The following DHRSX variants were observed in gnomAD, a reference collection of about 807,000 sequenced individuals.
DHRSX encodes the protein polyprenol dehydrogenase.
DHRSX carries 31 observed loss-of-function variants against 34.0 expected under a neutral mutation model. That is an observed-to-expected ratio of 0.91 (90% CI 0.69 to 1.23). The LOEUF (loss-of-function observed/expected upper bound fraction) is 1.23, where lower values mean the gene tolerates loss of function less well. Among genes scored for constraint, DHRSX ranks in the 50% most tolerant of loss-of-function variants. The pLI, the probability that DHRSX is intolerant of heterozygous loss-of-function variation, is 0.00. For missense variants in DHRSX, 414 were observed against 428.1 expected (o/e 0.97, Z 0.29); for synonymous variants, 201 against 183.8 (o/e 1.09, Z -0.76).
In DHRSX at chrX:2,299,596, T is replaced by G. The variant is rs568190972; in HGVS notation, c.287-7993A>C. On this transcript the variant is annotated intron_variant, in intron 3 of 6. Transcript: ENST00000334651. The stretch of plus-strand genomic sequence containing the variant: ...CTGGCCGGGTGTGGTGGCTCATGCC[T>G]ATAACCCCAGCACTTTGGGAGGCTG... 9.2e-4 allele frequency among the ~76,000 whole-genome samples: 140 copies of G among 152,226 alleles called. 1 individual carries two copies. The highest frequency in any genetic ancestry group is 3.2e-3 in the African/African-American group (134 of 41,552).
intron 6 of DHRSX, among the ~76,000 whole-genome samples, chrX:2,233,451 A>G (rs2015943734): frequency 1.3e-5 from 2 of 151,958 alleles, no homozygotes; most frequent in African/African-American, 4.8e-5. Flanking sequence ...AAATCCAAGA[A>G]CGCAGTGTGT....
chrX:2,496,441 C>G (rs1385626209), intron 1 of DHRSX, among the ~76,000 whole-genome samples: 1 of 152,132 alleles, frequency 6.6e-6, no homozygotes, highest in African/African-American at 2.4e-5. Flanking sequence ...TCAGGCAATC[C>G]ACCCGCCTCA....
chrX:2,456,239 C>G (rs1441657705), intron 1 of DHRSX, among the ~76,000 whole-genome samples: 1 of 152,114 alleles, frequency 6.6e-6, no homozygotes, highest in Non-Finnish European at 1.5e-5. Context: ...GGGACAAAGT[C>G]GACACCACAT....
At chrX:2,310,544 ATG>A (rs1385229424) in intron 3 of DHRSX, among the ~76,000 whole-genome samples, 8 of 149,840 alleles carry the variant, frequency 5.3e-5, no homozygotes, top group African/African-American at 1.7e-4. Flanking sequence ...GTGTGTGTAT[ATG>A]TGTGTGTGTG....
chrX:2,341,099 A>G (rs1420912482), intron 3 of DHRSX, among the ~76,000 whole-genome samples: 1 of 152,058 alleles, frequency 6.6e-6, no homozygotes, highest in Non-Finnish European at 1.5e-5. Flanking sequence ...GTTAGGGTGC[A>G]CGGGTTTACT....
At chrX:2,232,040 T>TACTTCTCCTTC in intron 6 of DHRSX, among the ~76,000 whole-genome samples, 1 of 38,340 alleles carries the variant, frequency 2.6e-5, no homozygotes, top group South Asian at 1.0e-3. Flanking sequence ...TCTCCTCCTT[T>TACTTCTCCTTC]TTCTCTTTCT....
At chrX:2,396,801 G>A (rs2043417920) in intron 3 of DHRSX, among the ~76,000 whole-genome samples, 1 of 122,918 alleles carries the variant, frequency 8.1e-6, no homozygotes, top group South Asian at 2.5e-4. Flanking sequence ...TTTCACTCTT[G>A]TTGCCCAGGC....
intron 3 of DHRSX, among the ~76,000 whole-genome samples, chrX:2,314,173 G>C (rs994939908): frequency 3.8e-5 from 5 of 129,958 alleles, no homozygotes; most frequent in African/African-American, 1.5e-4. Context: ...CAAAGGGAGG[G>C]ACGGAAGGAA....
intron 3 of DHRSX, among the ~76,000 whole-genome samples, chrX:2,363,004 A>G (rs868830413): frequency 2.5e-3 from 171 of 67,062 alleles, no homozygotes; most frequent in Non-Finnish European, 4.7e-3. Context: ...CCGTTCTATG[A>G]TATCATGCCG....
chrX:2,381,078 C>T (rs1368043171), intron 3 of DHRSX, among the ~76,000 whole-genome samples: 3 of 152,054 alleles, frequency 2.0e-5, no homozygotes, highest in African/African-American at 7.2e-5. Flanking sequence ...GTTGGCCAGG[C>T]TGGCCTCGAA....
At chrX:2,479,033 G>T (rs976669700) in intron 1 of DHRSX, among the ~76,000 whole-genome samples, 5 of 151,228 alleles carry the variant, frequency 3.3e-5, no homozygotes, top group Non-Finnish European at 7.4e-5. Context: ...CATTCCCTAA[G>T]CATGTAGCCC....
chrX:2,482,161 T>A (rs916844494), intron 1 of DHRSX, among the ~76,000 whole-genome samples: 7 of 149,118 alleles, frequency 4.7e-5, no homozygotes, highest in Non-Finnish European at 1.0e-4. Flanking sequence ...AGCATCTCTC[T>A]CCTTGTTGCA....
intron 3 of DHRSX, among the ~76,000 whole-genome samples, chrX:2,399,153 C>T (rs1485621759): frequency 6.6e-6 from 1 of 151,402 alleles, no homozygotes; most frequent in African/African-American, 2.4e-5. Flanking sequence ...TATGAAGAGC[C>T]CTGAAGAGAA....
At chrX:2,372,243 G>C (rs1200383436) in intron 3 of DHRSX, among the ~76,000 whole-genome samples, 2 of 152,038 alleles carry the variant, frequency 1.3e-5, no homozygotes, top group African/African-American at 4.8e-5. Context: ...ATGGTGAATC[G>C]GGTTGGGAAA....
At chrX:2,324,773 T>TC (rs1196495441) in intron 3 of DHRSX, among the ~76,000 whole-genome samples, 22 of 148,870 alleles carry the variant, frequency 1.5e-4, no homozygotes, top group African/African-American at 4.5e-4. Context: ...TCTTTTCTTT[T>TC]TTTTTTTTTT....
intron 3 of DHRSX, among the ~76,000 whole-genome samples, chrX:2,333,606 G>T (rs1444752267): frequency 6.6e-6 from 1 of 152,022 alleles, no homozygotes; most frequent in Non-Finnish European, 1.5e-5. Flanking sequence ...GTAGAGACAG[G>T]GTTTCACCAT....
intron 3 of DHRSX, among the ~76,000 whole-genome samples, chrX:2,381,681 C>T (rs1043960200): frequency 7.2e-5 from 11 of 151,726 alleles, no homozygotes; most frequent in Admixed American, 2.0e-4. Context: ...AATGTGCATC[C>T]GCCTATTTCC....
intron 3 of DHRSX, among the ~76,000 whole-genome samples, chrX:2,386,722 G>A (rs1224702451): frequency 6.6e-6 from 1 of 152,022 alleles, no homozygotes; most frequent in Non-Finnish European, 1.5e-5. Flanking sequence ...TACTTTTTTT[G>A]CATAAGTTTA....
intron 3 of DHRSX, among the ~76,000 whole-genome samples, chrX:2,296,013 G>A (rs1016469990): frequency 2.6e-5 from 4 of 152,006 alleles, no homozygotes; most frequent in Admixed American, 6.6e-5. Context: ...GATCGTAAAC[G>A]CAAATGTGTC....
Sources: gnomAD v4.1 joint callset for allele counts (sites outside exome capture counted in the v4.1 genomes callset) on GRCh38, gnomAD v4.1.1 for gene constraint, MANE v1.5 for transcripts, NCBI Gene and HGNC (gene_info 2026-07-23, HGNC 2026-07-21) for gene names.